SPINK5: variants seen among roughly 807,000 people sequenced by gnomAD.
SPINK5 encodes serine peptidase inhibitor Kazal type 5.
Under a neutral mutation model 151.8 loss-of-function variants are expected in SPINK5, and 125 were observed. The observed-to-expected ratio is 0.82, with a 90% CI of 0.71 to 0.96. SPINK5 has a LOEUF of 0.96. SPINK5 is among the 40% of genes least tolerant of loss of function. The pLI is 0.00. For synonymous variants in SPINK5, 374 were observed against 395.3 expected, an observed-to-expected ratio of 0.95 and a Z score of 0.64; for missense variants, 1,194 against 1,291.9, an observed-to-expected ratio of 0.92 and a Z score of 1.16.
At chr5:148,081,869 G>T (rs1753030602) in intron 4 of SPINK5, among the ~76,000 whole-genome samples, 1 of 151,584 alleles carries the variant, frequency 6.6e-6, no homozygotes, top group South Asian at 2.1e-4. Context: ...AAATTTCCTA[G>T]ACCTTCAGAA....
In SPINK5 at chr5:148,124,776, C is replaced by G. The variant is rs745918698; in HGVS notation, c.2678C>G (p.Ala893Gly). 4.1e-5 allele frequency: 65 copies of G among 1,600,452 alleles called. No individual in the cohort carries two copies. The highest frequency in any genetic ancestry group is 4.5e-5 in the Non-Finnish European group (53 of 1,173,778). Residue 893 changes from alanine to glycine, a missense_variant, in exon 28 of 33, where the codon GCT becomes GGT. Physicochemically the swap from Ala to Gly is moderately conservative, Grantham distance 60 (BLOSUM62 0). Transcript: ENST00000256084. ...AMCQSIFDRE[A>G]NERKKKDEEK... ...TAATTATTCTGCAGTGATCGAGAAGCTAATGAAAGAAAAAAGAAAGATGAA... is the reference window on the plus strand; with the variant it reads ...TAATTATTCTGCAGTGATCGAGAAGGTAATGAAAGAAAAAAGAAAGATGAA...
At chr5:148,110,999 A>C (rs886697693) in intron 18 of SPINK5, among the ~76,000 whole-genome samples, 1 of 152,088 alleles carries the variant, frequency 6.6e-6, no homozygotes, top group African/African-American at 2.4e-5. Context: ...AATAAAAAAC[A>C]ATGAAAACAA....
chr5:148,078,572 A>C (rs577299740), intron 4 of SPINK5, among the ~76,000 whole-genome samples: 3 of 150,934 alleles, frequency 2.0e-5, no homozygotes, highest in Non-Finnish European at 4.5e-5. Flanking sequence ...TATTAAAATC[A>C]TATATAGTAT....
At chr5:148,115,733 G>C (rs1394601800) in intron 21 of SPINK5, among the ~76,000 whole-genome samples, 1 of 152,076 alleles carries the variant, frequency 6.6e-6, no homozygotes, top group Non-Finnish European at 1.5e-5. Flanking sequence ...TAATGATTTT[G>C]GGGCCTCTTG....
Position 148,109,083 on chromosome 5 carries a change from T to G in SPINK5, c.1692+246T>G, listed in dbSNP as rs528280503. Among the ~76,000 whole-genome samples the G allele has an allele frequency of 2.0e-5, 3 of 152,312 alleles. No homozygotes were observed. In the South Asian group the frequency reaches 6.2e-4, roughly 32 times the overall value. On this transcript the variant is annotated intron_variant, in intron 18 of 32. Transcript: ENST00000256084. ...TCTCCCCTGATTGTGTCAATTATAT[T>G]ACCTAAGAAAGAAGTATATATAGAT...
In SPINK5 at chr5:148,105,104, C is replaced by G. The variant is rs1753747867; in HGVS notation, c.1479+104C>G. The G allele has an allele frequency of 7.0e-6, 9 of 1,290,692 alleles. No homozygotes were observed. The Admixed American group carries it at 1.4e-4, about 20-fold the overall frequency. The allele number at this position is 1,290,692 out of a possible 1,614,324, so 80.0% of individuals were successfully genotyped here. On this transcript the variant is annotated intron_variant, in intron 16 of 32. Transcript: ENST00000256084. ...AAATGTTTTCTGTTTAATTTTCATGCCTGAAATAAATGAAGAACATTTTTA... is the reference window on the plus strand; with the variant it reads ...AAATGTTTTCTGTTTAATTTTCATGGCTGAAATAAATGAAGAACATTTTTA...
At chr5:148,065,574 C>G in intron 2 of SPINK5, 1 of 551,294 alleles carries the variant, frequency 1.8e-6, no homozygotes, top group Non-Finnish European at 3.2e-6. Context: ...CACACACACT[C>G]AACATATTAA....
At chr5:148,086,000 A>G (rs1753143247) in intron 4 of SPINK5, among the ~76,000 whole-genome samples, 1 of 151,920 alleles carries the variant, frequency 6.6e-6, no homozygotes, top group South Asian at 2.1e-4. Flanking sequence ...CCTGCTCTTA[A>G]TTACTATTCT....
At chr5:148,089,757 C>T in intron 7 of SPINK5, 136 bp downstream of exon 7, 2 of 1,250,284 alleles carry the variant, frequency 1.6e-6, no homozygotes, top group Non-Finnish European at 1.1e-6. Flanking sequence ...TAGCCTTTCT[C>T]ACAGAAAGGC....
Position 148,100,595 on chromosome 5 carries a change from C to T in SPINK5, c.1220+14C>T. On this transcript the variant is annotated intron_variant, in intron 13 of 32. Coordinates refer to ENST00000256084, the MANE Select transcript of SPINK5 (RefSeq NM_006846.4). ...TGAGGTCTTCTTGTGAGTAGCCCTG[C>T]AGCTGGGAACATGGAGGAATGATTT... 6.2e-7 allele frequency: 1 copy of T among 1,612,050 alleles called. No homozygotes were observed. The highest frequency in any genetic ancestry group is 8.5e-7 in the Non-Finnish European group (1 of 1,178,676).
At chr5:148,112,838 A>G in intron 19 of SPINK5, 30 bp from the exon 20 acceptor site, 2 of 1,613,580 alleles carry the variant, frequency 1.2e-6, no homozygotes, top group South Asian at 1.1e-5. Flanking sequence ...GGTGCTAGGA[A>G]TGATTGTTTT....
intron 20 of SPINK5, among the ~76,000 whole-genome samples, chr5:148,113,900 G>T (rs1754012753): frequency 6.6e-6 from 1 of 152,048 alleles, no homozygotes; most frequent in Non-Finnish European, 1.5e-5. Context: ...ACTAGTTAGG[G>T]GATCTGGCAA....
intron 19 of SPINK5, among the ~76,000 whole-genome samples, chr5:148,112,247 G>A (rs576118383): frequency 2.0e-5 from 3 of 152,290 alleles, no homozygotes; most frequent in East Asian, 3.9e-4. Context: ...TTGAAAATGA[G>A]TTAACATCTA....
chr5:148,121,130 C>T lies in SPINK5; in HGVS notation c.2538+739C>T, dbSNP rs1357306173. Among the ~76,000 whole-genome samples, 71 of 99,042 alleles carry T rather than the reference C, an allele frequency of 7.2e-4. No individual in the cohort carries two copies. The East Asian group carries it at 8.8e-3, about 12-fold the overall frequency. 65.0% of individuals were successfully genotyped at this position (99,042 alleles called of 152,430 possible). A position where few individuals can be genotyped will look rare whatever the true frequency, so the allele number is the denominator to read the frequency against. The stretch of plus-strand genomic sequence containing the variant: ...CTGCACACCAGCCTGGGCGACAGAG[C>T]AAGACTCTGTCTCAAAAAAAAAAAA... On this transcript the variant is annotated intron_variant, in intron 26 of 32. Transcript: ENST00000256084.
intron 16 of SPINK5, among the ~76,000 whole-genome samples, chr5:148,106,417 G>A (rs1456666819): frequency 1.3e-5 from 2 of 152,014 alleles, no homozygotes; most frequent in Non-Finnish European, 2.9e-5. Flanking sequence ...GAACTCCTGG[G>A]CTCAAGTGAT....
At chr5:148,090,467 A>G (rs1753279849) in intron 7 of SPINK5, among the ~76,000 whole-genome samples, 3 of 151,594 alleles carry the variant, frequency 2.0e-5, no homozygotes, top group Non-Finnish European at 4.4e-5. Flanking sequence ...CTCAATGTTC[A>G]AATCTGCCCT....
At chr5:148,121,344 GAT>G in intron 26 of SPINK5, among the ~76,000 whole-genome samples, 1 of 151,656 alleles carries the variant, frequency 6.6e-6, no homozygotes, top group South Asian at 2.1e-4. Flanking sequence ...AATTAGAAAA[GAT>G]AAATAGCGAA....
chr5:148,084,326 TC>T (rs1340617891), intron 4 of SPINK5, among the ~76,000 whole-genome samples: 1 of 151,828 alleles, frequency 6.6e-6, no homozygotes, highest in Non-Finnish European at 1.5e-5. Context: ...AGGTTCTGAA[TC>T]CCCTCTTTTC....
chr5:148,125,594 C>T (rs886920604), intron 28 of SPINK5, 129 bp from the exon 29 acceptor site: 4 of 1,614,158 alleles, frequency 2.5e-6, no homozygotes, highest in Non-Finnish European at 3.4e-6. Context: ...TCCTTGGCCT[C>T]TGTTGCCAGG....
Sources: allele counts gnomAD v4.1 joint callset (sites outside exome capture counted in the v4.1 genomes callset), GRCh38; gene constraint gnomAD v4.1.1; transcripts MANE v1.5; gene names NCBI Gene and HGNC (gene_info 2026-07-23, HGNC 2026-07-21).